Variants in DIAPH2 observed in about 807,000 individuals in gnomAD.
The protein encoded by DIAPH2 is diaphanous related formin 2, also known as protein diaphanous homolog 2.
Under a neutral mutation model 92.7 loss-of-function variants are expected in DIAPH2, and 35 were observed. That is an observed-to-expected ratio of 0.38 (90% CI 0.29 to 0.50). The LOEUF is 0.50. Ranked by LOEUF, DIAPH2 falls within the 20% of genes least tolerant of loss-of-function variation. The pLI is 0.94. For synonymous variants in DIAPH2, 301 were observed against 280.4 expected (o/e 1.07, Z -0.73); for missense variants, 701 against 819.5 (o/e 0.86, Z 1.77).
chrX:97,481,273 A>G (rs1414598914), intron 26 of DIAPH2, among the ~76,000 whole-genome samples: 1 of 111,966 alleles, frequency 8.9e-6, no homozygotes, highest in Non-Finnish European at 1.9e-5. Flanking sequence ...GGACTACTAC[A>G]GTGGAATTTT....
chrX:96,921,234 T>C (rs1357950504), intron 9 of DIAPH2, among the ~76,000 whole-genome samples: 1 of 111,692 alleles, frequency 9.0e-6, no homozygotes, highest in African/African-American at 3.2e-5. Flanking sequence ...CAGATTTTTT[T>C]TCCTAGCTTT....
chrX:97,452,681 A>T (rs148669664), intron 26 of DIAPH2, among the ~76,000 whole-genome samples: 93 of 112,359 alleles, frequency 8.3e-4, no homozygotes, highest in African/African-American at 2.9e-3. Context: ...TTATCTGACT[A>T]AAATGATTTT....
intron 18 of DIAPH2, 64 bp from the exon 19 acceptor site, chrX:97,075,103 C>T (rs763886919): frequency 2.3e-5 from 16 of 688,374 alleles, no homozygotes; most frequent in Middle Eastern, 3.8e-4. Flanking sequence ...GAAAATCAGA[C>T]GTTTATTAGG....
intron 26 of DIAPH2, among the ~76,000 whole-genome samples, chrX:97,523,137 G>T (rs929970872): frequency 9.0e-6 from 1 of 111,599 alleles, no homozygotes; most frequent in Non-Finnish European, 1.9e-5. Context: ...CTTTTCTTAC[G>T]AGACTTTTGT....
Position 97,190,344 on chromosome X carries a change from G to A in DIAPH2, c.2719+48550G>A, listed in dbSNP as rs759595043. On this transcript the variant is annotated intron_variant, in intron 22 of 26. Coordinates refer to ENST00000324765, the MANE Select transcript of DIAPH2 (RefSeq NM_006729.5). ...GTCCAGATTGGGAAAAGTTTTCAAA[G>A]GTTTAAAGGTTTTTCTGCGGGCTGC... Among the ~76,000 whole-genome samples the A allele has an allele frequency of 2.7e-4, 30 of 112,830 alleles. No homozygotes were observed. The South Asian group carries it at 0.01, about 39-fold the overall frequency.
chrX:97,489,509 C>G, intron 26 of DIAPH2, among the ~76,000 whole-genome samples: 1 of 110,674 alleles, frequency 9.0e-6, no homozygotes, highest in East Asian at 2.8e-4. Flanking sequence ...GCATTCTTTC[C>G]ATTTCCTGAT....
intron 26 of DIAPH2, among the ~76,000 whole-genome samples, chrX:97,559,838 A>T (rs971486244): frequency 1.8e-5 from 2 of 112,197 alleles, no homozygotes; most frequent in African/African-American, 6.5e-5. Flanking sequence ...GCCCCAATTT[A>T]TATAATCCTG....
At chrX:96,685,276 C>A in intron 1 of DIAPH2, 86 bp downstream of exon 1, 20 of 933,785 alleles carry the variant, frequency 2.1e-5, no homozygotes, top group Non-Finnish European at 2.7e-5. Context: ...GCACCCGGGG[C>A]CCCCTCCCAA....
At chrX:96,766,681 C>T (rs1355330999) in intron 4 of DIAPH2, among the ~76,000 whole-genome samples, 6 of 111,706 alleles carry the variant, frequency 5.4e-5, no homozygotes, top group African/African-American at 9.8e-5. Context: ...CCAGAGATTA[C>T]GTACATTGGT....
chrX:97,316,485 C>CAAAAAAAAAA (rs55897560), intron 23 of DIAPH2, among the ~76,000 whole-genome samples: 19 of 59,290 alleles, frequency 3.2e-4, no homozygotes, highest in South Asian at 2.2e-3. Flanking sequence ...ACTAAAAATA[C>CAAAAAAAAAA]AAAAAAAAAA....
chrX:97,421,511 C>A (rs755606040), intron 25 of DIAPH2, among the ~76,000 whole-genome samples: 1 of 111,814 alleles, frequency 8.9e-6, no homozygotes. Context: ...CACTTGTCAT[C>A]GCCTTCTTAT....
chrX:97,490,584 G>A (rs1293292578), intron 26 of DIAPH2, among the ~76,000 whole-genome samples: 1 of 107,208 alleles, frequency 9.3e-6, no homozygotes, highest in Non-Finnish European at 1.9e-5. Context: ...GCTCTATCTC[G>A]TAAGTTTTGT....
rs775020870 is a variant in DIAPH2 at position 97,128,948 on chromosome X, A to G, written c.2590-12717A>G. On this transcript the variant is annotated intron_variant, in intron 21 of 26. Transcript: ENST00000324765. ...CAGTTGGGTTGTTTCTAAATTTTCT[A>G]TTATACTTGTTGCTATCATCATTTA... Among the ~76,000 whole-genome samples the G allele has an allele frequency of 6.3e-5, 7 of 110,790 alleles. No homozygotes were observed. In the East Asian group the frequency reaches 1.7e-3, roughly 27 times the overall value.
rs190609485 is a variant in DIAPH2 at position 97,584,686 on chromosome X, A to C, written c.3242-14567A>C. On this transcript the variant is annotated intron_variant, in intron 26 of 26. Coordinates refer to ENST00000324765, the MANE Select transcript of DIAPH2 (RefSeq NM_006729.5). ...GAGCAACTCTCAAATTCCAGTTTTA[A>C]TAGGATGTCTGCTCCAGAACCTTGT... 5.3e-5 allele frequency among the ~76,000 whole-genome samples: 6 copies of C among 112,353 alleles called. No homozygotes were observed. In the South Asian group the frequency reaches 2.2e-3, roughly 42 times the overall value.
At chrX:96,927,149 T>C (rs2065587708) in intron 9 of DIAPH2, among the ~76,000 whole-genome samples, 1 of 111,524 alleles carries the variant, frequency 9.0e-6, no homozygotes, top group South Asian at 3.7e-4. Flanking sequence ...TTATTAGTTA[T>C]GTGATCTTGG....
Position 96,685,121 on chromosome X carries a change from C to G in DIAPH2, c.63C>G (p.Gly21=). 1 of 1,016,109 alleles carries G rather than the reference C, an allele frequency of 9.8e-7. No homozygotes were observed. The highest frequency in any genetic ancestry group is 1.3e-6 in the Non-Finnish European group (1 of 794,549). 83.7% of individuals were successfully genotyped at this position (1,016,109 alleles called of 1,213,427 possible). ...GCGGCAGCGAGGAACCCGGTGGGGG[C>G]CGGAGCAACAAGCGGAGCGCGGGGA... The part of the protein sequence containing the change: ...AGGGSEEPGG[G]RSNKRSAGNR... The change falls in exon 1 of 27, where the codon GGC becomes GGG. Residue 21 remains glycine (G), a synonymous_variant. Transcript: ENST00000324765.
intron 22 of DIAPH2, among the ~76,000 whole-genome samples, chrX:97,150,264 T>C (rs765163814): frequency 8.9e-6 from 1 of 111,779 alleles, no homozygotes; most frequent in Admixed American, 9.5e-5. Flanking sequence ...ATGTTATCAA[T>C]GCATAACATA....
intron 26 of DIAPH2, among the ~76,000 whole-genome samples, chrX:97,508,840 A>G (rs2070856252): frequency 1.8e-5 from 2 of 110,523 alleles, no homozygotes; most frequent in Non-Finnish European, 3.8e-5. Context: ...TCTACAAAGC[A>G]GTCTTTCATA....
chrX:97,119,064 T>G (rs2067036325), intron 21 of DIAPH2, among the ~76,000 whole-genome samples: 1 of 110,746 alleles, frequency 9.0e-6, no homozygotes, highest in Non-Finnish European at 1.9e-5. Context: ...AATCAGGGAT[T>G]TTTTTTCTTG....
Sources: allele counts gnomAD v4.1 joint callset (sites outside exome capture counted in the v4.1 genomes callset), GRCh38; gene constraint gnomAD v4.1.1; transcripts MANE v1.5; gene names NCBI Gene and HGNC (gene_info 2026-07-23, HGNC 2026-07-21).